RELN: variants seen among roughly 807,000 people sequenced by gnomAD.
The protein encoded by RELN is reelin.
A neutral mutation model predicts 427.6 loss-of-function variants in RELN; 108 were observed. The ratio of observed to expected loss-of-function variants is 0.25; its 90% CI spans 0.22 to 0.30. The LOEUF (loss-of-function observed/expected upper bound fraction) is 0.30. Ranked by LOEUF, RELN falls within the 10% of genes least tolerant of loss-of-function variation. The pLI, the probability that RELN is intolerant of heterozygous loss-of-function variation, is 1.00. For synonymous variants in RELN, 1,524 were observed against 1,513.4 expected, an observed-to-expected ratio of 1.01 and a Z score of -0.16; for missense variants, 3,715 against 4,302.8, an observed-to-expected ratio of 0.86 and a Z score of 3.82.
At chr7:103,608,902 T>C (rs547745805) in intron 22 of RELN, among the ~76,000 whole-genome samples, 2 of 152,078 alleles carry the variant, frequency 1.3e-5, no homozygotes, top group Non-Finnish European at 2.9e-5. Context: ...GTTCATAATG[T>C]TTCTAGGGAC....
Position 103,640,550 on chromosome 7 carries a change from C to T in RELN, c.2062G>A (p.Gly688Ser). Residue 688 changes from glycine to serine, a missense_variant, in exon 17 of 65, where the codon GGT (glycine) becomes AGT (serine). Physicochemically the swap from Gly to Ser is moderately conservative, Grantham distance 56 (BLOSUM62 0). This residue lies in a region of RELN where 2,208 missense variants were observed against 2,361.7 expected (regional missense o/e 0.93). Coordinates refer to ENST00000428762, the MANE Select transcript of RELN (RefSeq NM_005045.4). The surrounding 1 kb of genome is among the most constrained non-coding windows in gnomAD (Gnocchi z 4.1). The stretch of plus-strand genomic sequence containing the variant: ...TTATTTTAAGATGCTTACTTGCAAC[C>T]ATGTCTAGTGCACTGTCCTCTGCCA... Reference protein sequence around the residue: ...CSGRGQCTRHGCKCDPGFSGP... With the variant: ...CSGRGQCTRHSCKCDPGFSGP... The T allele has an allele frequency of 2.5e-6, 4 of 1,613,734 alleles. No individual in the cohort carries two copies. Among genetic ancestry groups the T allele is most frequent in the Non-Finnish European group, 3.4e-6 (4 of 1,179,830 alleles).
rs754483450 is a variant in RELN, at chr7:103,495,854, C to T, written c.9238G>A (p.Val3080Ile). The T allele has an allele frequency of 1.9e-6, 3 of 1,613,832 alleles. No individual in the cohort carries two copies. Among genetic ancestry groups the T allele is most frequent in the African/African-American group, 2.7e-5 (2 of 74,920 alleles). The change falls in exon 57 of 65, where the codon GTA (valine) becomes ATA (isoleucine). Residue 3080 changes from valine (V) to isoleucine (I), a missense_variant. Around this residue, in one of 4 missense-constraint regions of RELN, gnomAD observed 1,310 missense variants for 1,643.0 expected, o/e 0.80. Transcript: ENST00000428762. ...TTGCCACAAAATCCTGCTGTCCTTACAGCATTAGGGTAAAAACTCCAGTTT... is the reference window on the plus strand; with the variant it reads ...TTGCCACAAAATCCTGCTGTCCTTATAGCATTAGGGTAAAAACTCCAGTTT... Reference protein sequence around the residue: ...EENWSFYPNAVRTAGFCGNPS... With the variant: ...EENWSFYPNAIRTAGFCGNPS...
chr7:103,932,916 T>C (rs921369757), intron 1 of RELN, among the ~76,000 whole-genome samples: 16 of 152,162 alleles, frequency 1.1e-4, no homozygotes, highest in South Asian at 8.3e-4. Flanking sequence ...GATGCAGACA[T>C]TGGCAGACAG....
intron 3 of RELN, among the ~76,000 whole-genome samples, chr7:103,785,952 T>C (rs1792004188): frequency 6.6e-6 from 1 of 152,038 alleles, no homozygotes; most frequent in Non-Finnish European, 1.5e-5. Context: ...ATTTTTTTTT[T>C]TGACTGTGAT....
rs3025925 is a variant in RELN, at chr7:103,538,845, A to G, written c.7180+233T>C. Among the ~76,000 whole-genome samples, 1,237 of 152,328 alleles carry G rather than the reference A, an allele frequency of 8.1e-3. 16 individuals carry two copies. Among genetic ancestry groups the G allele is most frequent in the African/African-American group, 0.028 (1,161 of 41,566 alleles). ...TATTTACTGTATAAAATAAGTCTTC[A>G]CGTACATATGCTTAAAAAATAAGCT... On this transcript the variant is annotated intron_variant, in intron 45 of 64. Coordinates refer to ENST00000428762, the MANE Select transcript of RELN (RefSeq NM_005045.4).
intron 3 of RELN, among the ~76,000 whole-genome samples, chr7:103,782,272 T>A (rs1000030000): frequency 2.0e-5 from 3 of 152,212 alleles, no homozygotes; most frequent in Admixed American, 6.5e-5. Context: ...AGTAGCTGTA[T>A]GCCCAAAGCA....
chr7:103,591,214 G>A (rs1436449335), intron 27 of RELN, among the ~76,000 whole-genome samples: 4 of 151,998 alleles, frequency 2.6e-5, no homozygotes, highest in Admixed American at 6.6e-5. Context: ...ATTTGTTGGC[G>A]GGAGCCACAA....
At chr7:103,610,288 C>G (rs1026089118) in intron 22 of RELN, among the ~76,000 whole-genome samples, 2 of 152,064 alleles carry the variant, frequency 1.3e-5, no homozygotes, top group African/African-American at 4.8e-5. Flanking sequence ...GTATATTAAG[C>G]TTTTGATATA....
At chr7:103,705,650 T>A (rs1834182556) in intron 8 of RELN, among the ~76,000 whole-genome samples, 1 of 152,174 alleles carries the variant, frequency 6.6e-6, no homozygotes, top group South Asian at 2.1e-4. Context: ...TCCAGAGAGG[T>A]ATTACGTGTA....
At chr7:103,854,609 A>C (rs1264659181) in intron 2 of RELN, among the ~76,000 whole-genome samples, 1 of 152,200 alleles carries the variant, frequency 6.6e-6, no homozygotes, top group Admixed American at 6.5e-5. Flanking sequence ...TGACTTTCTG[A>C]GATGAGGGAA....
chr7:103,726,972 ACTC>A (rs1790227857), intron 7 of RELN, among the ~76,000 whole-genome samples: 1 of 151,940 alleles, frequency 6.6e-6, no homozygotes, highest in African/African-American at 2.4e-5. Flanking sequence ...TCAACTAAAA[ACTC>A]CTCAATTTAT....
chr7:103,922,662 T>C (rs1795641766), intron 1 of RELN, among the ~76,000 whole-genome samples: 1 of 152,158 alleles, frequency 6.6e-6, no homozygotes, highest in Non-Finnish European at 1.5e-5. Context: ...ACAGAGTCAG[T>C]TATTATCTAT....
At chr7:103,524,313 A>G (rs1288278613) in intron 46 of RELN, among the ~76,000 whole-genome samples, 1 of 151,670 alleles carries the variant, frequency 6.6e-6, no homozygotes, top group African/African-American at 2.4e-5. Context: ...TTGCTCCCTA[A>G]TTGGACAGAG....
Position 103,989,492 on chromosome 7 carries a change from G to A in RELN, c.-136C>T, listed in dbSNP as rs1797181721. On this transcript the variant is annotated 5_prime_UTR_variant, in exon 1 of 65. Coordinates refer to ENST00000428762, the MANE Select transcript of RELN (RefSeq NM_005045.4). The surrounding 1 kb of genome is among the most constrained non-coding windows in gnomAD (Gnocchi z 4.9). ...CGGGAGCGGAACGGGCTCGGGAGCG[G>A]GCCTGGGAGCGGGCCCCCGCCGAGA... 1 of 738,266 alleles carries A rather than the reference G, an allele frequency of 1.4e-6. No individual in the cohort carries two copies. The highest frequency in any genetic ancestry group is 1.9e-5 in the African/African-American group (1 of 52,752). The allele number at this position is 738,266 out of a possible 1,614,324, so 45.7% of individuals were successfully genotyped here. A position where few individuals can be genotyped will look rare whatever the true frequency, so the allele number is the denominator to read the frequency against.
chr7:103,987,474 G>T (rs1463433069), intron 1 of RELN, among the ~76,000 whole-genome samples: 1 of 152,156 alleles, frequency 6.6e-6, no homozygotes, highest in African/African-American at 2.4e-5. Context: ...ACCTTCCAAA[G>T]GATGTGGAAA....
intron 6 of RELN, among the ~76,000 whole-genome samples, chr7:103,737,788 A>G (rs1790531381): frequency 6.6e-6 from 1 of 152,222 alleles, no homozygotes; most frequent in African/African-American, 2.4e-5. Flanking sequence ...TCATTTACAT[A>G]TGAAAATGGA....
chr7:103,510,523 C>G (rs1252217276), intron 51 of RELN, among the ~76,000 whole-genome samples: 1 of 152,058 alleles, frequency 6.6e-6, no homozygotes, highest in Non-Finnish European at 1.5e-5. Context: ...GGAGAAATAC[C>G]TAATGTAGAT....
At position 103,531,426 on chromosome 7, in the gene RELN, G is replaced by A. The variant is rs2535782; in HGVS notation, c.7349+3890C>T. 7.0e-3 allele frequency among the ~76,000 whole-genome samples: 1,070 copies of A among 152,234 alleles called. 15 individuals carry two copies. The highest frequency in any genetic ancestry group is 0.023 in the African/African-American group (975 of 41,536). ...TTTATGTTTTAACATAGCAATGTCT[G>A]GAGCAGAGCGTGATGTAGTCTGGAG... On this transcript the variant is annotated intron_variant, in intron 46 of 64. Transcript: ENST00000428762.
chr7:103,577,341 C>T (rs1355454294), intron 28 of RELN, among the ~76,000 whole-genome samples: 2 of 152,102 alleles, frequency 1.3e-5, no homozygotes, highest in Non-Finnish European at 2.9e-5. Context: ...CTACTCATGG[C>T]AACTTTATAA....
Sources: allele counts gnomAD v4.1 joint callset (sites outside exome capture counted in the v4.1 genomes callset), GRCh38; gene constraint gnomAD v4.1.1; regional missense constraint gnomAD v4.1.1; non-coding constraint Gnocchi (gnomAD v3.1); transcripts MANE v1.5; gene names NCBI Gene and HGNC (gene_info 2026-07-23, HGNC 2026-07-21).